ERC2: variants seen among roughly 807,000 people sequenced by gnomAD.
ERC2 encodes the protein ELKS/RAB6-interacting/CAST family member 2, also known as ERC protein 2.
ERC2 carries 42 observed loss-of-function variants against 114.8 expected under a neutral mutation model. The ratio of observed to expected loss-of-function variants is 0.37; its 90% confidence interval spans 0.29 to 0.47. ERC2 has a LOEUF of 0.47. ERC2 is among the 20% of genes least tolerant of loss of function. The pLI is 0.99. For missense variants in ERC2, 939 were observed against 1,150.7 expected (o/e 0.82, Z 2.66); for synonymous variants, 454 against 425.5 (o/e 1.07, Z -0.82).
intron 17 of ERC2, among the ~76,000 whole-genome samples, chr3:55,583,408 T>TTCCG (rs2057379737): frequency 9.3e-6 from 1 of 106,972 alleles, no homozygotes; most frequent in Non-Finnish European, 2.1e-5. Context: ...CTTTCCTTCC[T>TTCCG]TCCTTCCTTC....
chr3:55,549,455 T>C (rs1398392908), intron 17 of ERC2, among the ~76,000 whole-genome samples: 1 of 150,030 alleles, frequency 6.7e-6, no homozygotes, highest in Non-Finnish European at 1.5e-5. Flanking sequence ...GGAAACCAGA[T>C]GCGGAGCAAA....
intron 3 of ERC2, among the ~76,000 whole-genome samples, chr3:56,210,591 G>A (rs1575843531): frequency 6.6e-6 from 1 of 152,148 alleles, no homozygotes; most frequent in East Asian, 1.9e-4. Flanking sequence ...ATTGAATTAA[G>A]CTAAGTAAAC....
At chr3:55,520,572 C>T (rs1230426789) in intron 17 of ERC2, among the ~76,000 whole-genome samples, 1 of 152,112 alleles carries the variant, frequency 6.6e-6, no homozygotes, top group Non-Finnish European at 1.5e-5. Context: ...AAGTTCGTAC[C>T]ATTTTAGAGG....
At chr3:55,554,686 G>A (rs1470136185) in intron 17 of ERC2, among the ~76,000 whole-genome samples, 1 of 152,214 alleles carries the variant, frequency 6.6e-6, no homozygotes, top group Non-Finnish European at 1.5e-5. Context: ...CCTCTCTGCT[G>A]CTTCCCAGGG....
intron 17 of ERC2, among the ~76,000 whole-genome samples, chr3:55,619,545 A>C (rs2059248539): frequency 6.6e-6 from 1 of 152,206 alleles, no homozygotes; most frequent in African/African-American, 2.4e-5. Context: ...TGCAAGGTTT[A>C]AGGGTATGAA....
intron 17 of ERC2, among the ~76,000 whole-genome samples, chr3:55,536,588 G>A (rs1210900111): frequency 2.0e-5 from 3 of 152,252 alleles, no homozygotes; most frequent in Non-Finnish European, 4.4e-5. Flanking sequence ...TGTCAAAGGA[G>A]TTGAAGTCAT....
At chr3:55,871,497 C>T (rs537401206) in intron 14 of ERC2, among the ~76,000 whole-genome samples, 1 of 152,112 alleles carries the variant, frequency 6.6e-6, no homozygotes, top group Non-Finnish European at 1.5e-5. Context: ...TCCAAGAACC[C>T]TTAGGTGTAG....
intron 1 of ERC2, among the ~76,000 whole-genome samples, chr3:56,448,284 T>C (rs189507701): frequency 6.6e-6 from 1 of 152,332 alleles, no homozygotes; most frequent in East Asian, 1.9e-4. Context: ...CTAACACTCT[T>C]AGAGCCCATG....
At chr3:55,840,439 C>T (rs1391291504) in intron 14 of ERC2, among the ~76,000 whole-genome samples, 1 of 151,594 alleles carries the variant, frequency 6.6e-6, no homozygotes, top group Non-Finnish European at 1.5e-5. Flanking sequence ...TTCAAATCTT[C>T]ACCAACACTT....
At chr3:56,305,181 T>C (rs2056136634) in intron 2 of ERC2, among the ~76,000 whole-genome samples, 1 of 151,980 alleles carries the variant, frequency 6.6e-6, no homozygotes, top group Admixed American at 6.5e-5. Context: ...GTAGTAAATT[T>C]GACAATGTTA....
intron 13 of ERC2, among the ~76,000 whole-genome samples, chr3:55,948,715 AACAAG>A (rs899376074): frequency 2.1e-4 from 32 of 152,226 alleles, no homozygotes; most frequent in African/African-American, 7.2e-4. Context: ...CATGGGCCAA[AACAAG>A]ACATTAATTT....
At chr3:55,974,888 C>G (rs141885833) in intron 12 of ERC2, among the ~76,000 whole-genome samples, 1 of 152,292 alleles carries the variant, frequency 6.6e-6, no homozygotes, top group Non-Finnish European at 1.5e-5. Context: ...TCATCAACGC[C>G]TGGAATCCTT....
At chr3:55,651,379 A>G (rs2060614838) in intron 17 of ERC2, among the ~76,000 whole-genome samples, 1 of 152,268 alleles carries the variant, frequency 6.6e-6, no homozygotes, top group African/African-American at 2.4e-5. Context: ...TTCAGCCATA[A>G]GAGTTTTAAA....
chr3:55,681,889 T>C (rs2062072141), intron 17 of ERC2, among the ~76,000 whole-genome samples: 1 of 152,164 alleles, frequency 6.6e-6, no homozygotes, highest in Non-Finnish European at 1.5e-5. Context: ...GTCATGAATC[T>C]TGTGAAAGAG....
intron 17 of ERC2, among the ~76,000 whole-genome samples, chr3:55,640,081 T>A (rs2060113890): frequency 6.6e-6 from 1 of 152,172 alleles, no homozygotes; most frequent in Non-Finnish European, 1.5e-5. Flanking sequence ...GATGCCACAA[T>A]TCACACGTCC....
rs538600398 is a variant in ERC2, at chr3:56,409,029, C to G, written c.657+25322G>C. On this transcript the variant is annotated intron_variant, in intron 2 of 17. Transcript: ENST00000288221. ...CCCATGTTGTCATCAATCCAGTGACCAAAACACCTACCAGTCATCTCACAC... is the reference window on the plus strand; with the variant it reads ...CCCATGTTGTCATCAATCCAGTGACGAAAACACCTACCAGTCATCTCACAC... Among the ~76,000 whole-genome samples the G allele has an allele frequency of 9.6e-4, 146 of 152,188 alleles. 1 individual carries two copies. Among genetic ancestry groups the G allele is most frequent in the Non-Finnish European group, 1.5e-3 (103 of 68,026 alleles).
intron 14 of ERC2, among the ~76,000 whole-genome samples, chr3:55,819,155 T>G (rs1003890009): frequency 1.3e-5 from 2 of 152,224 alleles, no homozygotes; most frequent in African/African-American, 2.4e-5. Context: ...ATACTTTTCT[T>G]TCAATGGTCC....
chr3:55,879,193 A>G (rs568590009), intron 14 of ERC2, among the ~76,000 whole-genome samples: 1 of 144,144 alleles, frequency 6.9e-6, no homozygotes, highest in Non-Finnish European at 1.5e-5. Context: ...CATCTACGTG[A>G]CAGGGCATTT....
At chr3:55,757,213 C>T (rs949751486) in intron 14 of ERC2, among the ~76,000 whole-genome samples, 1 of 152,042 alleles carries the variant, frequency 6.6e-6, no homozygotes, top group Admixed American at 6.6e-5. Flanking sequence ...TGTGACATTC[C>T]CCAGCTTTAA....
Sources: gnomAD v4.1 joint callset for allele counts (sites outside exome capture counted in the v4.1 genomes callset) on GRCh38, gnomAD v4.1.1 for gene constraint, MANE v1.5 for transcripts, NCBI Gene and HGNC (gene_info 2026-07-23, HGNC 2026-07-21) for gene names.